NCAM2: variants seen among roughly 807,000 people sequenced by gnomAD.
The protein encoded by NCAM2 is neural cell adhesion molecule 2.
Under a neutral mutation model 98.1 loss-of-function variants are expected in NCAM2, and 30 were observed. The observed-to-expected ratio is 0.31, with a 90% CI of 0.23 to 0.41. The LOEUF is 0.41. NCAM2 is among the 10% of genes least tolerant of loss of function. The pLI is 1.00. For missense variants in NCAM2, 867 were observed against 1,005.8 expected, an observed-to-expected ratio of 0.86 and a Z score of 1.87; for synonymous variants, 368 against 342.4, an observed-to-expected ratio of 1.07 and a Z score of -0.83.
chr21:21,454,550 C>G (rs903386082), intron 12 of NCAM2, among the ~76,000 whole-genome samples: 1 of 151,880 alleles, frequency 6.6e-6, no homozygotes, highest in Non-Finnish European at 1.5e-5. Flanking sequence ...GACTGTAAAA[C>G]GATTTTAATA....
At chr21:21,452,948 T>C (rs1602386685) in intron 12 of NCAM2, among the ~76,000 whole-genome samples, 1 of 82,788 alleles carries the variant, frequency 1.2e-5, no homozygotes, top group South Asian at 3.1e-4. Flanking sequence ...ATATAATTTA[T>C]ACTATATATT....
chr21:21,418,376 A>C (rs2077037118), intron 10 of NCAM2, 97 bp from the exon 11 acceptor site: 1 of 850,206 alleles, frequency 1.2e-6, no homozygotes, highest in Non-Finnish European at 1.9e-6. Context: ...TGTTGGGTAA[A>C]AAATGAAATG....
rs531547654 is a variant in NCAM2, at chr21:21,049,051, G to A, written c.55+50433G>A. ...TTTTGAGACGGAGTCTCGCTCTGTCGCCCAGGCTGGACTGCGGACTGCAGT... is the reference window on the plus strand; with the variant it reads ...TTTTGAGACGGAGTCTCGCTCTGTCACCCAGGCTGGACTGCGGACTGCAGT... On this transcript the variant is annotated intron_variant, in intron 1 of 17. Coordinates refer to ENST00000400546, the MANE Select transcript of NCAM2 (RefSeq NM_004540.5). 1.4e-3 allele frequency among the ~76,000 whole-genome samples: 176 copies of A among 125,894 alleles called. No homozygotes were observed. In the Middle Eastern group the frequency reaches 0.019, roughly 13 times the overall value. The allele number at this position is 125,894 out of a possible 152,430, so 82.6% of individuals were successfully genotyped here. A position where few individuals can be genotyped will look rare whatever the true frequency, so the allele number is the denominator to read the frequency against.
chr21:21,511,829 T>G (rs915289528), intron 16 of NCAM2, among the ~76,000 whole-genome samples: 1 of 152,052 alleles, frequency 6.6e-6, no homozygotes, highest in African/African-American at 2.4e-5. Context: ...TGGTTTTGAT[T>G]TGCATTTCTC....
At chr21:21,307,778 T>A (rs1419869073) in intron 5 of NCAM2, among the ~76,000 whole-genome samples, 2 of 152,152 alleles carry the variant, frequency 1.3e-5, no homozygotes, top group Non-Finnish European at 2.9e-5. Flanking sequence ...ATACTTGGAA[T>A]ATTTCTGACA....
chr21:21,031,907 A>G (rs2146224802), intron 1 of NCAM2, among the ~76,000 whole-genome samples: 1 of 152,274 alleles, frequency 6.6e-6, no homozygotes, highest in East Asian at 1.9e-4. Flanking sequence ...TCTGTGACTT[A>G]GGCAGATTTT....
At chr21:21,466,419 G>C (rs368486543) in intron 12 of NCAM2, among the ~76,000 whole-genome samples, 187 bp from the exon 13 acceptor site, 2 of 151,886 alleles carry the variant, frequency 1.3e-5, no homozygotes, top group South Asian at 4.1e-4. Context: ...GTGAAGAAGA[G>C]AACTATTCAC....
At position 21,538,163 on chromosome 21, in the gene NCAM2, G is replaced by C. The variant is rs1405623221; in HGVS notation, c.*206G>C. On this transcript the variant is annotated 3_prime_UTR_variant, in exon 18 of 18. Coordinates refer to ENST00000400546, the MANE Select transcript of NCAM2 (RefSeq NM_004540.5). ...TGTTGTTGCTGTTGTTGTTAATTTT[G>C]TTAAGAATTTCAATATCAAGACTGA... is the stretch of plus-strand genomic sequence containing the variant. 2.9e-6 allele frequency: 1 copy of C among 340,108 alleles called. No individual in the cohort carries two copies. Among genetic ancestry groups the C allele is most frequent in the Non-Finnish European group, 5.4e-6 (1 of 184,164 alleles). 21.1% of individuals were successfully genotyped at this position (340,108 alleles called of 1,614,324 possible). A position where few individuals can be genotyped will look rare whatever the true frequency, so the allele number is the denominator to read the frequency against.
intron 1 of NCAM2, among the ~76,000 whole-genome samples, chr21:21,175,953 C>T (rs2068272946): frequency 6.6e-6 from 1 of 152,150 alleles, no homozygotes; most frequent in Admixed American, 6.5e-5. Context: ...TAATTCTCTG[C>T]AGAAAATGTG....
rs2071313298 is a variant in NCAM2, at chr21:21,247,285, C to G, written c.56-33293C>G. On this transcript the variant is annotated intron_variant, in intron 1 of 17. Coordinates refer to ENST00000400546, the MANE Select transcript of NCAM2 (RefSeq NM_004540.5). Reference sequence around the variant, plus strand: ...AGTGAGTCGAGATCTCGCCACTGCACTCCAGCTTGGGCGACAGAGCAAGAC... The same window carrying G: ...AGTGAGTCGAGATCTCGCCACTGCAGTCCAGCTTGGGCGACAGAGCAAGAC... 2.0e-5 allele frequency among the ~76,000 whole-genome samples: 3 copies of G among 152,246 alleles called. No individual in the cohort carries two copies. In the South Asian group the frequency reaches 6.2e-4, roughly 32 times the overall value.
chr21:21,004,564 A>C (rs1377522605), intron 1 of NCAM2, among the ~76,000 whole-genome samples: 1 of 152,348 alleles, frequency 6.6e-6, no homozygotes, highest in South Asian at 2.1e-4. Flanking sequence ...AACAAATAAT[A>C]TAAATTTAAA....
intron 1 of NCAM2, among the ~76,000 whole-genome samples, chr21:21,234,802 A>G (rs1235951663): frequency 3.3e-5 from 5 of 152,014 alleles, no homozygotes; most frequent in Non-Finnish European, 7.4e-5. Flanking sequence ...GAAATGCCTG[A>G]CCAACAGGTC....
At chr21:21,456,588 G>T (rs1201431069) in intron 12 of NCAM2, among the ~76,000 whole-genome samples, 1 of 152,024 alleles carries the variant, frequency 6.6e-6, no homozygotes, top group East Asian at 1.9e-4. Flanking sequence ...TACACCATAT[G>T]CAAAAATCAA....
chr21:21,416,262 CA>C (rs899282291), intron 10 of NCAM2, among the ~76,000 whole-genome samples: 3 of 152,086 alleles, frequency 2.0e-5, no homozygotes, highest in Non-Finnish European at 2.9e-5. Context: ...ACACATTTAT[CA>C]ATTAAGTTCA....
intron 1 of NCAM2, among the ~76,000 whole-genome samples, chr21:21,195,070 GT>G (rs2068957616): frequency 1.3e-5 from 2 of 152,290 alleles, no homozygotes; most frequent in South Asian, 2.1e-4. Flanking sequence ...TAGAGAAGAT[GT>G]TATGACTTTA....
intron 16 of NCAM2, among the ~76,000 whole-genome samples, chr21:21,514,312 C>T (rs1253366473): frequency 6.6e-6 from 1 of 151,120 alleles, no homozygotes; most frequent in Non-Finnish European, 1.5e-5. Context: ...CCCATCTTTA[C>T]TAAAAATACA....
intron 1 of NCAM2, among the ~76,000 whole-genome samples, chr21:21,237,154 C>G (rs2070864611): frequency 6.6e-6 from 1 of 152,056 alleles, no homozygotes; most frequent in African/African-American, 2.4e-5. Flanking sequence ...AGAAAGAATA[C>G]AAATATAATC....
intron 16 of NCAM2, among the ~76,000 whole-genome samples, chr21:21,518,918 A>G (rs995178464): frequency 6.6e-6 from 1 of 152,164 alleles, no homozygotes; most frequent in Admixed American, 6.6e-5. Flanking sequence ...CAGGATGTTA[A>G]GTTGTTATTT....
chr21:21,372,166 A>T (rs965803069), intron 8 of NCAM2, among the ~76,000 whole-genome samples: 3 of 151,860 alleles, frequency 2.0e-5, no homozygotes, highest in East Asian at 1.9e-4. Flanking sequence ...GTCAACAAAA[A>T]CTTTTAGTTG....
Sources: allele counts gnomAD v4.1 joint callset (sites outside exome capture counted in the v4.1 genomes callset), GRCh38; gene constraint gnomAD v4.1.1; transcripts MANE v1.5; gene names NCBI Gene and HGNC (gene_info 2026-07-23, HGNC 2026-07-21).